TYW1B: variants seen among roughly 807,000 people sequenced by gnomAD.
TYW1B encodes S-adenosyl-L-methionine-dependent tRNA 4-demethylwyosine synthase TYW1B.
Under a neutral mutation model 86.9 loss-of-function variants are expected in TYW1B, and 73 were observed. The observed-to-expected ratio is 0.84, with a 90% CI of 0.70 to 1.02. The LOEUF is 1.02. Among genes scored for constraint, TYW1B ranks in the 50% least tolerant of loss-of-function variants. The pLI is 0.00. For synonymous variants in TYW1B, 248 were observed against 292.8 expected (o/e 0.85, Z 1.56); for missense variants, 637 against 827.4 (o/e 0.77, Z 2.82).
At chr7:72,766,822 G>A (rs1232977046) in intron 7 of TYW1B, among the ~76,000 whole-genome samples, 3 of 152,046 alleles carry the variant, frequency 2.0e-5, no homozygotes, top group African/African-American at 7.2e-5. Flanking sequence ...AGCTACTCAG[G>A]AGGCTGAGGC....
intron 11 of TYW1B, among the ~76,000 whole-genome samples, chr7:72,632,416 T>C (rs1812547954): frequency 8.9e-6 from 1 of 111,856 alleles, no homozygotes. Flanking sequence ...TATATACATA[T>C]ATATATAAAA....
chr7:72,606,327 G>A (rs186512914), intron 13 of TYW1B, among the ~76,000 whole-genome samples: 5 of 152,208 alleles, frequency 3.3e-5, no homozygotes, highest in African/African-American at 1.2e-4. Context: ...ATTCCCATCC[G>A]GTCAGCAAAC....
At chr7:72,715,361 T>A (rs1347308538) in intron 9 of TYW1B, among the ~76,000 whole-genome samples, 6 of 152,214 alleles carry the variant, frequency 3.9e-5, no homozygotes, top group African/African-American at 1.4e-4. Flanking sequence ...AGGGGCCTCG[T>A]GCATCAGGAT....
At chr7:72,668,826 GC>G (rs1355275513) in intron 11 of TYW1B, among the ~76,000 whole-genome samples, 1 of 152,114 alleles carries the variant, frequency 6.6e-6, no homozygotes, top group African/African-American at 2.4e-5. Context: ...TCTCAGTTCC[GC>G]TATCACTTCT....
intron 11 of TYW1B, among the ~76,000 whole-genome samples, chr7:72,639,903 T>C (rs1214462407): frequency 6.6e-6 from 1 of 150,456 alleles, no homozygotes; most frequent in African/African-American, 2.4e-5. Context: ...TCATGTGAGG[T>C]TCAAACAATA....
Position 72,744,628 on chromosome 7 carries a change from T to C in TYW1B, c.965-27A>G, listed in dbSNP as rs1304106670. ...TATGACAAGTAAACAAATCACAATT[T>C]GAATAAAATCGTCAAAGCACAGAAA... On this transcript the variant is annotated intron_variant, in intron 7 of 13. Transcript: ENST00000620995. 4 of 1,612,644 alleles carry C rather than the reference T, an allele frequency of 2.5e-6. No homozygotes were observed. The African/African-American group carries it at 5.3e-5, about 22-fold the overall frequency.
In TYW1B at chr7:72,750,532, A is replaced by G. The variant is rs527860478; in HGVS notation, c.965-5931T>C. On this transcript the variant is annotated intron_variant, in intron 7 of 13. Coordinates refer to ENST00000620995, the MANE Select transcript of TYW1B (RefSeq NM_001145440.3). ...TTTTAGATGATTAGTTATATAAAGT[A>G]TTGGTATGGATTCTTTTGGTTTTAT... is the stretch of plus-strand genomic sequence containing the variant. Among the ~76,000 whole-genome samples, 6 of 152,272 alleles carry G rather than the reference A, an allele frequency of 3.9e-5. No homozygotes were observed. In the South Asian group the frequency reaches 1.2e-3, roughly 32 times the overall value.
chr7:72,727,164 C>T (rs1382074559), intron 9 of TYW1B, among the ~76,000 whole-genome samples: 7 of 152,092 alleles, frequency 4.6e-5, no homozygotes, highest in African/African-American at 7.2e-5. Flanking sequence ...TATAATATTA[C>T]GAATGAGTGG....
chr7:72,664,804 T>C (rs1261431039), intron 11 of TYW1B, among the ~76,000 whole-genome samples: 3 of 152,088 alleles, frequency 2.0e-5, no homozygotes, highest in African/African-American at 4.8e-5. Context: ...CAGCAATATA[T>C]GATCTATGGG....
At chr7:72,827,301 G>C (rs1403299693) in intron 1 of TYW1B, among the ~76,000 whole-genome samples, 1 of 152,122 alleles carries the variant, frequency 6.6e-6, no homozygotes. Context: ...CCAGCTACTC[G>C]GGAGGCTGAG....
At chr7:72,614,952 T>G (rs1282583919) in intron 13 of TYW1B, among the ~76,000 whole-genome samples, 1 of 152,194 alleles carries the variant, frequency 6.6e-6, no homozygotes, top group African/African-American at 2.4e-5. Flanking sequence ...CTGACTCCAC[T>G]CATAATCTCT....
At chr7:72,717,257 C>T (rs1477491510) in intron 9 of TYW1B, among the ~76,000 whole-genome samples, 3 of 150,988 alleles carry the variant, frequency 2.0e-5, no homozygotes, top group East Asian at 2.0e-4. Flanking sequence ...GCTGAGACTG[C>T]GCCACTGCCC....
chr7:72,574,701 C>T lies in TYW1B; in HGVS notation c.*797G>A, dbSNP rs1202764636. The T allele has an allele frequency of 2.0e-5, 20 of 985,266 alleles. No homozygotes were observed. Among genetic ancestry groups the T allele is most frequent in the Non-Finnish European group, 2.3e-5 (19 of 829,946 alleles). 61.0% of individuals were successfully genotyped at this position (985,266 alleles called of 1,614,324 possible). On this transcript the variant is annotated 3_prime_UTR_variant, in exon 14 of 14. Transcript: ENST00000620995. ...AGAAGATGGAGACCCGCCGTCTGGT[C>T]GTGATATGAGAGGCCCGGACAGTGA... is the stretch of plus-strand genomic sequence containing the variant.
chr7:72,709,876 AT>A (rs1786603571), intron 10 of TYW1B, among the ~76,000 whole-genome samples: 1 of 152,056 alleles, frequency 6.6e-6, no homozygotes, highest in Non-Finnish European at 1.5e-5. Flanking sequence ...GGTTTAGTAA[AT>A]GAAGAATTAT....
At chr7:72,705,545 T>C (rs1242507139) in intron 10 of TYW1B, among the ~76,000 whole-genome samples, 4 of 152,190 alleles carry the variant, frequency 2.6e-5, no homozygotes, top group Non-Finnish European at 5.9e-5. Flanking sequence ...AAGCTTTAGA[T>C]TTACAGTACT....
chr7:72,676,267 G>A (rs538894706), intron 11 of TYW1B, among the ~76,000 whole-genome samples: 3 of 152,112 alleles, frequency 2.0e-5, no homozygotes, highest in East Asian at 1.9e-4. Flanking sequence ...CAATATCTAC[G>A]ACTCATATAA....
At chr7:72,815,552 G>T in intron 2 of TYW1B, 71 bp from the exon 3 acceptor site, 1 of 1,384,680 alleles carries the variant, frequency 7.2e-7, no homozygotes, top group Non-Finnish European at 1.0e-6. Context: ...TACCCCTGTT[G>T]GCACAAGAAT....
At chr7:72,773,023 A>G (rs554018771) in intron 7 of TYW1B, among the ~76,000 whole-genome samples, 1 of 152,322 alleles carries the variant, frequency 6.6e-6, no homozygotes, top group East Asian at 1.9e-4. Context: ...CTGATACCAA[A>G]TATGCATTTA....
intron 11 of TYW1B, among the ~76,000 whole-genome samples, chr7:72,646,351 T>C (rs1463421101): frequency 6.6e-6 from 1 of 151,852 alleles, no homozygotes; most frequent in Non-Finnish European, 1.5e-5. Flanking sequence ...CATAAGCCAC[T>C]GTGCCTGGCC....
Sources: gnomAD v4.1 joint callset for allele counts (sites outside exome capture counted in the v4.1 genomes callset) on GRCh38, gnomAD v4.1.1 for gene constraint, MANE v1.5 for transcripts, NCBI Gene and HGNC (gene_info 2026-07-23, HGNC 2026-07-21) for gene names.